Variants in MAK observed in about 807,000 individuals in gnomAD.
The protein encoded by MAK is male germ cell associated kinase, also known as serine/threonine-protein kinase MAK.
In MAK, 65 loss-of-function variants were observed where a neutral mutation model predicts 82.6. The ratio of observed to expected loss-of-function variants is 0.79; its 90% CI spans 0.64 to 0.97. The LOEUF is 0.97. Among genes scored for constraint, MAK ranks in the 50% least tolerant of loss-of-function variants. The pLI is 0.00. For synonymous variants in MAK, 250 were observed against 274.2 expected (o/e 0.91, Z 0.87); for missense variants, 703 against 780.2 (o/e 0.90, Z 1.18).
At chr6:10,775,525 A>G in intron 11 of MAK, 66 bp from the exon 12 acceptor site, 3 of 1,543,656 alleles carry the variant, frequency 1.9e-6, no homozygotes, top group Non-Finnish European at 2.7e-6. Flanking sequence ...AAACTTATGT[A>G]ATACATTCAA....
chr6:10,805,400 A>G (rs1244315032), intron 6 of MAK, among the ~76,000 whole-genome samples: 2 of 152,060 alleles, frequency 1.3e-5, no homozygotes, highest in Non-Finnish European at 2.9e-5. Context: ...GGCCTGGCCA[A>G]CATGGTGAAA....
At chr6:10,787,604 A>T (rs901616779) in intron 10 of MAK, among the ~76,000 whole-genome samples, 20 of 152,344 alleles carry the variant, frequency 1.3e-4, no homozygotes, top group Non-Finnish European at 2.1e-4. Flanking sequence ...CACGCCTGTA[A>T]TCCCAGCACT....
At chr6:10,788,990 G>A (rs988522444) in intron 10 of MAK, among the ~76,000 whole-genome samples, 1 of 151,900 alleles carries the variant, frequency 6.6e-6, no homozygotes, top group Non-Finnish European at 1.5e-5. Flanking sequence ...GGTATGGCTT[G>A]ATAAAATAAG....
At chr6:10,781,177 C>T (rs981276111) in intron 11 of MAK, among the ~76,000 whole-genome samples, 1 of 152,120 alleles carries the variant, frequency 6.6e-6, no homozygotes, top group African/African-American at 2.4e-5. Flanking sequence ...GATGAAGCAG[C>T]CAAAATGAGG....
At chr6:10,817,108 C>T (rs1311333585) in intron 4 of MAK, among the ~76,000 whole-genome samples, 1 of 146,718 alleles carries the variant, frequency 6.8e-6, no homozygotes, top group Non-Finnish European at 1.5e-5. Context: ...ATTCAAGTAA[C>T]ATCCTCAGAC....
chr6:10,823,227 T>C (rs1778094459), intron 2 of MAK, among the ~76,000 whole-genome samples: 1 of 152,236 alleles, frequency 6.6e-6, no homozygotes, highest in Admixed American at 6.5e-5. Flanking sequence ...TCTTCTCTGC[T>C]TCTCAACGTA....
chr6:10,830,366 A>G (rs557084275), intron 2 of MAK, among the ~76,000 whole-genome samples, 182 bp downstream of exon 2: 1 of 151,408 alleles, frequency 6.6e-6, no homozygotes, highest in Admixed American at 6.6e-5. Context: ...GGGTTTCACC[A>G]TGTTGGCCAG....
intron 8 of MAK, chr6:10,797,498 A>G: frequency 1.4e-6 from 1 of 714,294 alleles, no homozygotes; most frequent in Non-Finnish European, 1.7e-6. Context: ...AGCACCCCAC[A>G]GCAAAGAGTT....
chr6:10,808,858 C>G lies in MAK; in HGVS notation c.443G>C (p.Arg148Thr). The part of the protein sequence containing the change: ...LVKIADFGLA[R>T]ELRSQPPYTD... Reference sequence around the variant, plus strand: ...GTATGGTGGCTGTGACCTTAATTCTCTTGCAAGTCCAAAATCAGCAATTTT... The same window carrying G: ...GTATGGTGGCTGTGACCTTAATTCTGTTGCAAGTCCAAAATCAGCAATTTT... Residue 148 changes from arginine (R) to threonine (T), a missense_variant, in exon 6 of 15, where the codon AGA (arginine) becomes ACA (threonine). Coordinates refer to ENST00000354489, the MANE Select transcript of MAK (RefSeq NM_001242957.3). 1 of 1,613,884 alleles carries G rather than the reference C, an allele frequency of 6.2e-7. No individual in the cohort carries two copies. The highest frequency in any genetic ancestry group is 8.5e-7 in the Non-Finnish European group (1 of 1,179,926).
At chr6:10,822,111 C>A (rs1398709369) in intron 2 of MAK, among the ~76,000 whole-genome samples, 2 of 142,620 alleles carry the variant, frequency 1.4e-5, no homozygotes, top group Non-Finnish European at 3.0e-5. Context: ...CGCACCACTG[C>A]ACTCCAGCCT....
chr6:10,799,713 C>T (rs1775862863), intron 8 of MAK, among the ~76,000 whole-genome samples: 1 of 152,206 alleles, frequency 6.6e-6, no homozygotes. Context: ...GGCAGATCAC[C>T]TGAGGTCAGG....
chr6:10,775,582 G>T, intron 11 of MAK, 123 bp from the exon 12 acceptor site: 2 of 1,113,932 alleles, frequency 1.8e-6, no homozygotes, highest in Non-Finnish European at 2.7e-6. Context: ...ATAAATCTAG[G>T]TGAAAATGTA....
intron 11 of MAK, among the ~76,000 whole-genome samples, chr6:10,779,678 T>A (rs1295438809): frequency 6.6e-6 from 1 of 152,190 alleles, no homozygotes; most frequent in Non-Finnish European, 1.5e-5. Flanking sequence ...AAGGATTGTT[T>A]CTTTTTTTAA....
intron 5 of MAK, among the ~76,000 whole-genome samples, chr6:10,812,675 G>A (rs554285831): frequency 6.6e-6 from 1 of 152,034 alleles, no homozygotes; most frequent in East Asian, 1.9e-4. Flanking sequence ...TGCAAGATGG[G>A]TATATGATGA....
intron 5 of MAK, among the ~76,000 whole-genome samples, chr6:10,810,288 A>C (rs1470179466): frequency 6.7e-6 from 1 of 149,756 alleles, no homozygotes; most frequent in African/African-American, 2.5e-5. Context: ...GCAGGTGATC[A>C]CTTGAAGAGG....
intron 5 of MAK, 51 bp from the exon 6 acceptor site, chr6:10,808,993 A>T: frequency 6.8e-7 from 1 of 1,467,758 alleles, no homozygotes; most frequent in Non-Finnish European, 9.5e-7. Context: ...ACGTTTAAAC[A>T]TAGCTTTATT....
rs2127577698 is a variant in MAK at position 10,818,898 on chromosome 6, C to G, written c.144G>C (p.Leu48Phe). 1 of 1,587,742 alleles carries G rather than the reference C, an allele frequency of 6.3e-7. No homozygotes were observed. Among genetic ancestry groups the G allele is most frequent in the African/African-American group, 1.3e-5 (1 of 74,606 alleles). The change falls in exon 3 of 15, where the codon TTG becomes TTC. Residue 48 changes from leucine (L) to phenylalanine (F), a missense_variant. Leu to Phe is a conservative substitution (Grantham distance 22). Coordinates refer to ENST00000354489, the MANE Select transcript of MAK (RefSeq NM_001242957.3). ...TTTAGGATTTTACCTTAACTTCTCT[C>G]AAGTTCATGCATTCATCCCAAGAAT... ...KFYSWDECMN[L>F]REVKSLKKLN...
At chr6:10,814,988 G>T in intron 4 of MAK, among the ~76,000 whole-genome samples, 1 of 150,298 alleles carries the variant, frequency 6.7e-6, no homozygotes, top group Non-Finnish European at 1.5e-5. Context: ...AGTGAGCTGA[G>T]ATTACACCAC....
At chr6:10,765,798 C>G (rs1478411533) in intron 14 of MAK, among the ~76,000 whole-genome samples, 1 of 152,096 alleles carries the variant, frequency 6.6e-6, no homozygotes, top group Non-Finnish European at 1.5e-5. Context: ...TACTTCATTT[C>G]TCATTGGGAA....
Sources: allele counts gnomAD v4.1 joint callset (sites outside exome capture counted in the v4.1 genomes callset), GRCh38; gene constraint gnomAD v4.1.1; transcripts MANE v1.5; gene names NCBI Gene and HGNC (gene_info 2026-07-23, HGNC 2026-07-21).